The following ABHD2 variants were observed in gnomAD, a reference collection of about 807,000 sequenced individuals.
ABHD2 encodes abhydrolase domain containing 2, acylglycerol lipase, also known as monoacylglycerol lipase ABHD2.
Under a neutral mutation model 48.1 loss-of-function variants are expected in ABHD2, and 20 were observed. The observed-to-expected ratio is 0.42, with a 90% CI of 0.29 to 0.60. The LOEUF (loss-of-function observed/expected upper bound fraction) is 0.60, where lower values mean the gene tolerates loss of function less well. Ranked by LOEUF, ABHD2 falls within the 20% of genes least tolerant of loss-of-function variation. The pLI, the probability that ABHD2 is intolerant of heterozygous loss-of-function variation, is 0.24. For missense variants in ABHD2, 405 were observed against 550.9 expected, an observed-to-expected ratio of 0.74 and a Z score of 2.65; for synonymous variants, 209 against 214.2, an observed-to-expected ratio of 0.98 and a Z score of 0.21.
chr15:89,046,769 T>C, the ABHD2 span, among the ~76,000 whole-genome samples: 6 of 152,192 alleles, frequency 3.9e-5, no homozygotes, highest in Admixed American at 3.3e-4. Flanking sequence ...TTTTATTGCA[T>C]CTATTTGATT....
At chr15:89,136,794 A>G (rs2050321011) in intron 3 of ABHD2, among the ~76,000 whole-genome samples, 1 of 152,240 alleles carries the variant, frequency 6.6e-6, no homozygotes, top group African/African-American at 2.4e-5. Flanking sequence ...TTCCAGCTCT[A>G]ATCTTCCCTC....
In ABHD2 at chr15:89,114,196, C is replaced by A. The variant is rs2049919037; in HGVS notation, c.-7+372C>A. 6.6e-6 allele frequency among the ~76,000 whole-genome samples: 1 copy of A among 152,186 alleles called. No homozygotes were observed. On this transcript the variant is annotated intron_variant, in intron 2 of 10. Transcript: ENST00000352732. The surrounding 1 kb of genome is among the most constrained non-coding windows in gnomAD (Gnocchi z 4.2). ...TGGACAAGGTGAGGAATGGCAGCCA[C>A]AGGTTAAACCTATTGGGCATCTTAG...
At chr15:89,193,070 T>A (rs574985671) in intron 9 of ABHD2, among the ~76,000 whole-genome samples, 165 bp from the exon 10 acceptor site, 1 of 152,226 alleles carries the variant, frequency 6.6e-6, no homozygotes, top group Non-Finnish European at 1.5e-5. Context: ...CTCATCACAC[T>A]GCCAGAGAAT....
intron 6 of ABHD2, among the ~76,000 whole-genome samples, chr15:89,180,249 C>T (rs1173363843): frequency 6.6e-6 from 1 of 152,058 alleles, no homozygotes; most frequent in Non-Finnish European, 1.5e-5. Flanking sequence ...GCCCTTAGTG[C>T]CTTGGGGCTT....
chr15:89,155,438 G>C lies in ABHD2; in HGVS notation c.442G>C (p.Asp148His). The C allele has an allele frequency of 6.2e-7, 1 of 1,614,152 alleles. No homozygotes were observed. The highest frequency in any genetic ancestry group is 8.5e-7 in the Non-Finnish European group (1 of 1,180,030). Residue 148 changes from aspartate (D) to histidine (H), a missense_variant, in exon 5 of 11, where the codon GAC becomes CAC. Transcript: ENST00000352732. This position sits in a 1 kb window ranked among gnomAD's most constrained non-coding sequence, Gnocchi z 4.9. ...GAAGCAATACATCCGCACTTTCGTT[G>C]ACTACGCCCAGAAAAATGGCTATCG... ...SEKQYIRTFVDYAQKNGYRCA... is the reference protein window; with the variant it reads ...SEKQYIRTFVHYAQKNGYRCA...
At chr15:89,192,190 AC>A (rs1442481282) in intron 9 of ABHD2, among the ~76,000 whole-genome samples, 5 of 152,184 alleles carry the variant, frequency 3.3e-5, no homozygotes, top group Non-Finnish European at 7.3e-5. Flanking sequence ...ATCACTGGAA[AC>A]TGTAGTTGTG....
At chr15:89,045,834 A>C in the ABHD2 span, among the ~76,000 whole-genome samples, 25 of 152,202 alleles carry the variant, frequency 1.6e-4, no homozygotes, top group Admixed American at 1.5e-3. Context: ...CAATCATGTC[A>C]CCTGCAAACA....
In ABHD2 at chr15:89,164,630, A is replaced by G. The variant is rs932802500; in HGVS notation, c.538+9096A>G. On this transcript the variant is annotated intron_variant, in intron 5 of 10. Coordinates refer to ENST00000352732, the MANE Select transcript of ABHD2 (RefSeq NM_152924.5). The surrounding 1 kb of genome is among the most constrained non-coding windows in gnomAD (Gnocchi z 5.0). ...TGGTGAAACCTCATCTCTACTAAAA[A>G]TGAAAAAAGCCAGGTGTGATGATAC... Among the ~76,000 whole-genome samples, 1 of 152,096 alleles carries G rather than the reference A, an allele frequency of 6.6e-6. No homozygotes were observed. Among genetic ancestry groups the G allele is most frequent in the Non-Finnish European group, 1.5e-5 (1 of 67,996 alleles).
the ABHD2 span, among the ~76,000 whole-genome samples, chr15:89,059,264 A>T: frequency 1.3e-5 from 2 of 152,156 alleles, no homozygotes; most frequent in African/African-American, 2.4e-5. Context: ...CACCCAGGCG[A>T]GCCACTTGAC....
rs1444732449 is a variant in ABHD2 at position 89,137,258 on chromosome 15, G to T, written c.195-14419G>T. ...ACTGTGCTTTGGTGTGCCTAGGGAG[G>T]ATGTGACCAGTTCCGCGTGCTGTTT... On this transcript the variant is annotated intron_variant, in intron 3 of 10. Coordinates refer to ENST00000352732, the MANE Select transcript of ABHD2 (RefSeq NM_152924.5). This position sits in a 1 kb window ranked among gnomAD's most constrained non-coding sequence, Gnocchi z 4.8. 6.6e-6 allele frequency among the ~76,000 whole-genome samples: 1 copy of T among 152,152 alleles called. No homozygotes were observed. The highest frequency in any genetic ancestry group is 1.5e-5 in the Non-Finnish European group (1 of 68,030).
Position 89,091,157 on chromosome 15 carries a change from G to A in ABHD2, c.-107+2594G>A, listed in dbSNP as rs1285356759. ...CACCTTCATTTCCTTTATCGCCTGC[G>A]TGGGTCTGACAAATAGGCACTCTCA... On this transcript the variant is annotated intron_variant, in intron 1 of 10. Transcript: ENST00000352732. This position sits in a 1 kb window ranked among gnomAD's most constrained non-coding sequence, Gnocchi z 5.5. Among the ~76,000 whole-genome samples, 1 of 151,942 alleles carries A rather than the reference G, an allele frequency of 6.6e-6. No homozygotes were observed. The highest frequency in any genetic ancestry group is 6.6e-5 in the Admixed American group (1 of 15,250).
rs115674283 is a variant in ABHD2, at chr15:89,114,920, A to G, written c.-7+1096A>G. ...TGTCTTGCCCTGATGGTGGAAGACT[A>G]GTTACGGAGCTGTGATCTTTTACTT... On this transcript the variant is annotated intron_variant, in intron 2 of 10. Coordinates refer to ENST00000352732, the MANE Select transcript of ABHD2 (RefSeq NM_152924.5). This position sits in a 1 kb window ranked among gnomAD's most constrained non-coding sequence, Gnocchi z 4.2. 1.4e-3 allele frequency among the ~76,000 whole-genome samples: 215 copies of G among 152,372 alleles called. No homozygotes were observed. The highest frequency in any genetic ancestry group is 5.0e-3 in the African/African-American group (207 of 41,598).
At chr15:89,145,352 T>A (rs191633441) in intron 3 of ABHD2, among the ~76,000 whole-genome samples, 1 of 152,286 alleles carries the variant, frequency 6.6e-6, no homozygotes, top group Admixed American at 6.5e-5. Context: ...GAAAACAACA[T>A]TTAAGGAGAT....
intron 3 of ABHD2, among the ~76,000 whole-genome samples, chr15:89,143,410 G>A (rs1011956195): frequency 2.0e-5 from 3 of 152,222 alleles, no homozygotes; most frequent in African/African-American, 7.2e-5. Flanking sequence ...GCTCACGCCT[G>A]TAATCCCAGC....
the ABHD2 span, among the ~76,000 whole-genome samples, chr15:89,047,701 C>T: frequency 6.6e-6 from 1 of 151,172 alleles, no homozygotes; most frequent in Non-Finnish European, 1.5e-5. Flanking sequence ...TCTGTTTTAT[C>T]AGAGCCTAGG....
At chr15:89,190,995 C>T (rs2051293776) in intron 8 of ABHD2, 85 bp from the exon 9 acceptor site, 17 of 1,351,576 alleles carry the variant, frequency 1.3e-5, no homozygotes, top group Non-Finnish European at 1.8e-5. Flanking sequence ...GCGTGAGGAA[C>T]TGGAGCCATC....
chr15:89,123,593 C>CTTTTTTTTTTTTTTTTTTTT (rs138910210), intron 3 of ABHD2, among the ~76,000 whole-genome samples: 1 of 96,680 alleles, frequency 1.0e-5, no homozygotes, highest in Non-Finnish European at 2.0e-5. Flanking sequence ...TTCTTTCTTT[C>CTTTTTTTTTTTTTTTTTTTT]TTTTTTTTTT....
intron 6 of ABHD2, among the ~76,000 whole-genome samples, chr15:89,178,773 T>C (rs1022106496): frequency 1.6e-4 from 25 of 152,182 alleles, no homozygotes; most frequent in African/African-American, 6.0e-4. Flanking sequence ...CTGGGGACTC[T>C]GTGTGGTGAG....
chr15:89,074,723 T>C, the ABHD2 span, among the ~76,000 whole-genome samples: 2 of 152,076 alleles, frequency 1.3e-5, no homozygotes, highest in African/African-American at 4.8e-5. Flanking sequence ...CTCCAACCCC[T>C]CCCCAACAAA....
Sources: allele counts gnomAD v4.1 joint callset (sites outside exome capture counted in the v4.1 genomes callset), GRCh38; gene constraint gnomAD v4.1.1; non-coding constraint Gnocchi (gnomAD v3.1); transcripts MANE v1.5; gene names NCBI Gene and HGNC (gene_info 2026-07-23, HGNC 2026-07-21).